ANKUB1: variants seen among roughly 807,000 people sequenced by gnomAD.
ANKUB1 encodes ankyrin repeat and ubiquitin domain containing 1.
Under a neutral mutation model 49.3 loss-of-function variants are expected in ANKUB1, and 42 were observed. That is an observed-to-expected ratio of 0.85 (90% CI 0.67 to 1.10). The LOEUF is 1.10. ANKUB1 is among the 50% of genes least tolerant of loss of function. ANKUB1 has a pLI of 0.00. For missense variants in ANKUB1, 613 were observed against 642.0 expected, an observed-to-expected ratio of 0.95 and a Z score of 0.49; for synonymous variants, 222 against 231.0, an observed-to-expected ratio of 0.96 and a Z score of 0.35.
chr3:149,770,646 A>G lies in ANKUB1; in HGVS notation c.480T>C (p.Asp160=). Residue 160 remains aspartate (D), a synonymous_variant, in exon 4 of 6, where the codon GAT becomes GAC. Transcript: ENST00000446160. Reference sequence around the variant, plus strand: ...AACCCATCAGAAATTCCTTCCATCCATCCCAGACATCCAAGCGAAGTGTTG... The same window carrying G: ...AACCCATCAGAAATTCCTTCCATCCGTCCCAGACATCCAAGCGAAGTGTTG... ...IGTTLRLDVW[D]GWKEFLMGCL... The G allele has an allele frequency of 6.5e-7, 1 of 1,550,018 alleles. No homozygotes were observed. The highest frequency in any genetic ancestry group is 8.7e-7 in the Non-Finnish European group (1 of 1,146,224).
At chr3:149,780,488 C>T in intron 2 of ANKUB1, 33 bp from the exon 3 acceptor site, 1 of 1,516,076 alleles carries the variant, frequency 6.6e-7, no homozygotes, top group Non-Finnish European at 9.0e-7. Flanking sequence ...AACTTATTGT[C>T]TGGAGGTTCA....
At position 149,768,051 on chromosome 3, in the gene ANKUB1, T is replaced by C. The variant is rs1395625726; in HGVS notation, c.611A>G (p.Tyr204Cys). ...CAGGGCCCATTCAGTGAGTTCAATG[T>C]ACCCACAAAAAGCAGCAATGTACAG... is the stretch of plus-strand genomic sequence containing the variant. ...VALYIAAFCG[Y>C]IELTEWALKQ... The change falls in exon 5 of 6, where the codon TAC becomes TGC. Residue 204 changes from tyrosine (Y) to cysteine (C), a missense_variant. Physicochemically the swap from Tyr to Cys is radical, Grantham distance 194. Coordinates refer to ENST00000446160, the MANE Select transcript of ANKUB1 (RefSeq NM_001144960.3). 5 of 1,453,796 alleles carry C rather than the reference T, an allele frequency of 3.4e-6. No homozygotes were observed. The African/African-American group carries it at 4.3e-5, about 12-fold the overall frequency. 90.1% of individuals were successfully genotyped at this position (1,453,796 alleles called of 1,614,324 possible).
intron 3 of ANKUB1, among the ~76,000 whole-genome samples, chr3:149,771,602 G>T (rs1031982220): frequency 3.9e-5 from 6 of 151,932 alleles, no homozygotes; most frequent in Non-Finnish European, 8.8e-5. Context: ...ATTTTAACTT[G>T]TTTATTGCCC....
At position 149,770,548 on chromosome 3, in the gene ANKUB1, A is replaced by C; in HGVS notation, c.566+12T>G. The C allele has an allele frequency of 6.6e-7, 1 of 1,516,310 alleles. No homozygotes were observed. The allele number at this position is 1,516,310 out of a possible 1,614,324, so 93.9% of individuals were successfully genotyped here. A position where few individuals can be genotyped will look rare whatever the true frequency, so the allele number is the denominator to read the frequency against. ...GCACTTGCTAAGTTAATTTAAAATTAATTTCTCATACTTGAGTACTGGTCC... is the reference window on the plus strand; with the variant it reads ...GCACTTGCTAAGTTAATTTAAAATTCATTTCTCATACTTGAGTACTGGTCC... On this transcript the variant is annotated intron_variant, in intron 4 of 5. Transcript: ENST00000446160.
intron 4 of ANKUB1, among the ~76,000 whole-genome samples, chr3:149,770,342 G>C (rs747824940): frequency 6.6e-6 from 1 of 152,172 alleles, no homozygotes; most frequent in Non-Finnish European, 1.5e-5. Flanking sequence ...CCTGAGGAAA[G>C]TCTACCTGAA....
At position 149,767,943 on chromosome 3, in the gene ANKUB1, G is replaced by C. The variant is rs958080118; in HGVS notation, c.719C>G (p.Ser240Cys). 6.5e-7 allele frequency: 1 copy of C among 1,548,758 alleles called. No homozygotes were observed. The highest frequency in any genetic ancestry group is 2.0e-5 in the Admixed American group (1 of 50,968). ...WCHEALHADVSKCPIHAAAEA... is the reference protein window; with the variant it reads ...WCHEALHADVCKCPIHAAAEA... ...TGCGGCTGCATGAATGGGGCATTTAGAGACATCTGCATGAAGGGCTTCATG... is the reference window on the plus strand; with the variant it reads ...TGCGGCTGCATGAATGGGGCATTTACAGACATCTGCATGAAGGGCTTCATG... The change falls in exon 5 of 6, where the codon TCT (serine) becomes TGT (cysteine). Residue 240 changes from serine (S) to cysteine (C), a missense_variant. By Grantham distance (112) the Ser-to-Cys change is moderately radical. Transcript: ENST00000446160.
Position 149,767,203 on chromosome 3 carries a change from C to T in ANKUB1, c.1459G>A (p.Gly487Arg), listed in dbSNP as rs1576668214. ...SSFSSFLEHS[G>R]KTPWENAIYC... ...ATTGCGTTCTCCCATGGAGTCTTCC[C>T]ACTGTGCTCTAAGAAAGATGAGAAG... Residue 487 changes from glycine to arginine, a missense_variant, in exon 5 of 6, where the codon GGG becomes AGG. Gly to Arg is a moderately radical substitution (Grantham distance 125). Transcript: ENST00000446160. 1 of 1,548,204 alleles carries T rather than the reference C, an allele frequency of 6.5e-7. No individual in the cohort carries two copies. The highest frequency in any genetic ancestry group is 8.7e-7 in the Non-Finnish European group (1 of 1,146,050).
At chr3:149,787,556 T>C in intron 2 of ANKUB1, among the ~76,000 whole-genome samples, 1 of 152,170 alleles carries the variant, frequency 6.6e-6, no homozygotes, top group Non-Finnish European at 1.5e-5. Flanking sequence ...TTGAATACCC[T>C]TTATTTCTTT....
rs1317770766 is a variant in ANKUB1, at chr3:149,792,225, T to C, written c.90+52A>G. The C allele has an allele frequency of 3.8e-6, 5 of 1,309,276 alleles. No homozygotes were observed. The African/African-American group carries it at 6.1e-5, about 16-fold the overall frequency. The allele number at this position is 1,309,276 out of a possible 1,614,324, so 81.1% of individuals were successfully genotyped here. On this transcript the variant is annotated intron_variant, in intron 1 of 5. Coordinates refer to ENST00000446160, the MANE Select transcript of ANKUB1 (RefSeq NM_001144960.3). ...ACCCTTTGTACATTTTTAAATGCAC[T>C]GCATTGTTAAAATTAATATACATTT...
intron 2 of ANKUB1, among the ~76,000 whole-genome samples, chr3:149,789,338 T>A (rs1718256658): frequency 6.6e-6 from 1 of 152,116 alleles, no homozygotes; most frequent in Admixed American, 6.5e-5. Context: ...TTGAACCTTA[T>A]GATTGGTATT....
intron 3 of ANKUB1, among the ~76,000 whole-genome samples, chr3:149,774,279 G>GTCGT (rs1717493988): frequency 1.3e-5 from 2 of 151,292 alleles, no homozygotes; most frequent in African/African-American, 4.9e-5. Context: ...TGCCTCTTTT[G>GTCGT]TCATTCATTC....
rs1717666419 is a variant in ANKUB1 at position 149,777,711 on chromosome 3, TTCCCAC to T, written c.451+2522_451+2527del. Reference sequence around the variant, plus strand: ...CTTCCTCCTCTCAGATGATCCATGGTTCCCACATCTGTGTGTGCTCCAGCCCCACTT... The same window carrying T: ...CTTCCTCCTCTCAGATGATCCATGGTATCTGTGTGTGCTCCAGCCCCACTT... On this transcript the variant is annotated intron_variant, in intron 3 of 5. Coordinates refer to ENST00000446160, the MANE Select transcript of ANKUB1 (RefSeq NM_001144960.3). Among the ~76,000 whole-genome samples, 4 of 152,316 alleles carry T rather than the reference TTCCCAC, an allele frequency of 2.6e-5. No homozygotes were observed. The South Asian group carries it at 8.3e-4, about 32-fold the overall frequency.
chr3:149,780,447 G>T lies in ANKUB1; in HGVS notation c.243C>A (p.Asp81Glu), dbSNP rs1347521601. 2 of 1,551,256 alleles carry T rather than the reference G, an allele frequency of 1.3e-6. No individual in the cohort carries two copies. Among genetic ancestry groups the T allele is most frequent in the Non-Finnish European group, 8.7e-7 (1 of 1,146,260 alleles). Residue 81 changes from aspartate to glutamate, a missense_variant, in exon 3 of 6, where the codon GAC (aspartate) becomes GAA (glutamate). Physicochemically the swap from Asp to Glu is conservative, Grantham distance 45. Transcript: ENST00000446160. ...STLKCFVKEE[D>E]KPTLYVFNAV... Reference sequence around the variant, plus strand: ...CATTGAACACGTATAGAGTAGGCTTGTCTTCTTCCTAAAGGGAAAGAAAAG... The same window carrying T: ...CATTGAACACGTATAGAGTAGGCTTTTCTTCTTCCTAAAGGGAAAGAAAAG...
intron 2 of ANKUB1, among the ~76,000 whole-genome samples, chr3:149,788,878 G>A (rs1718231073): frequency 6.6e-6 from 1 of 151,984 alleles, no homozygotes; most frequent in Non-Finnish European, 1.5e-5. Flanking sequence ...CAGGGTTCAA[G>A]TGATTCTTTT....
intron 2 of ANKUB1, among the ~76,000 whole-genome samples, chr3:149,784,634 A>G (rs1317648407): frequency 2.6e-5 from 4 of 152,104 alleles, no homozygotes; most frequent in Non-Finnish European, 2.9e-5. Context: ...TCCGAAAACT[A>G]CTCAATAGCT....
intron 2 of ANKUB1, among the ~76,000 whole-genome samples, chr3:149,786,249 A>T (rs1718094949): frequency 6.6e-6 from 1 of 152,064 alleles, no homozygotes; most frequent in Non-Finnish European, 1.5e-5. Context: ...GTTAGCCAGG[A>T]TGGTCTCGAG....
chr3:149,780,410 C>T lies in ANKUB1; in HGVS notation c.280G>A (p.Asp94Asn). Residue 94 changes from aspartate (D) to asparagine (N), a missense_variant, in exon 3 of 6, where the codon GAC (aspartate) becomes AAC (asparagine). Physicochemically the swap from Asp to Asn is conservative, Grantham distance 23. Transcript: ENST00000446160. ...ATGCTCTCCATTACTGGCATTGTGTCTTGAGTTACAGCATTGAACACGTAT... is the reference window on the plus strand; with the variant it reads ...ATGCTCTCCATTACTGGCATTGTGTTTTGAGTTACAGCATTGAACACGTAT... ...TLYVFNAVTQ[D>N]TMPVMESISL... 1 of 1,552,192 alleles carries T rather than the reference C, an allele frequency of 6.4e-7. No homozygotes were observed. The highest frequency in any genetic ancestry group is 8.7e-7 in the Non-Finnish European group (1 of 1,147,066).
intron 2 of ANKUB1, among the ~76,000 whole-genome samples, chr3:149,789,405 T>G (rs1219510769): frequency 6.6e-6 from 1 of 152,086 alleles, no homozygotes; most frequent in South Asian, 2.1e-4. Context: ...AAACCTAGTA[T>G]GGAAATATAT....
chr3:149,779,078 C>T (rs932395130), intron 3 of ANKUB1: 3 of 152,012 alleles, frequency 2.0e-5, no homozygotes, highest in African/African-American at 7.2e-5. Flanking sequence ...ATCTCTGTAT[C>T]GTCAAATCAT....
Sources: allele counts gnomAD v4.1 joint callset (sites outside exome capture counted in the v4.1 genomes callset), GRCh38; gene constraint gnomAD v4.1.1; transcripts MANE v1.5; gene names NCBI Gene and HGNC (gene_info 2026-07-23, HGNC 2026-07-21).